MOB3B: variants seen among roughly 807,000 people sequenced by gnomAD.
MOB3B encodes MOB kinase activator-like 2B.
In MOB3B, 7 loss-of-function variants were observed where a neutral mutation model predicts 18.7. The observed-to-expected ratio is 0.37, with a 90% CI of 0.21 to 0.70. The LOEUF (loss-of-function observed/expected upper bound fraction) is 0.70. MOB3B is among the 30% of genes least tolerant of loss of function. The probability of loss-of-function intolerance (pLI) is 0.52; values close to 1 mark genes in which losing one functional copy is unlikely to be tolerated. For synonymous variants in MOB3B, 111 were observed against 99.9 expected (o/e 1.11, Z -0.66); for missense variants, 253 against 281.3 (o/e 0.90, Z 0.72).
At chr9:27,501,005 C>T (rs986297673) in intron 1 of MOB3B, among the ~76,000 whole-genome samples, 24 of 152,144 alleles carry the variant, frequency 1.6e-4, no homozygotes, top group Admixed American at 2.0e-4. Context: ...AAAAAAACCT[C>T]ATCATCACTG....
chr9:27,522,098 G>A (rs112086913), intron 1 of MOB3B, among the ~76,000 whole-genome samples: 2 of 151,328 alleles, frequency 1.3e-5, no homozygotes, highest in South Asian at 2.1e-4. Context: ...AAAAATTAAC[G>A]AGACATGGTG....
chr9:27,502,526 C>A (rs1228228041), intron 1 of MOB3B, among the ~76,000 whole-genome samples: 1 of 152,200 alleles, frequency 6.6e-6, no homozygotes, highest in Non-Finnish European at 1.5e-5. Flanking sequence ...CAAAAACACC[C>A]ATCAGCCAAC....
intron 1 of MOB3B, among the ~76,000 whole-genome samples, chr9:27,472,678 T>TAAAAAAA (rs56092176): frequency 1.0e-5 from 1 of 98,910 alleles, no homozygotes; most frequent in African/African-American, 4.0e-5. Flanking sequence ...CACTTTATTC[T>TAAAAAAA]AAAAAAAAAA....
chr9:27,362,385 A>T (rs1316831106), intron 2 of MOB3B, among the ~76,000 whole-genome samples: 1 of 152,192 alleles, frequency 6.6e-6, no homozygotes, highest in African/African-American at 2.4e-5. Flanking sequence ...TATAAAACTA[A>T]TACACAAATT....
intron 1 of MOB3B, among the ~76,000 whole-genome samples, chr9:27,482,781 T>A (rs1410775289): frequency 6.6e-6 from 1 of 152,220 alleles, no homozygotes; most frequent in African/African-American, 2.4e-5. Context: ...TGGCCGTTTT[T>A]AAGTTTGGTT....
intron 2 of MOB3B, among the ~76,000 whole-genome samples, chr9:27,360,564 A>G (rs1821260615): frequency 6.6e-6 from 1 of 152,218 alleles, no homozygotes; most frequent in Admixed American, 6.5e-5. Context: ...AAAGAAAGGT[A>G]GAAATGACCA....
chr9:27,336,072 G>A (rs957803509), intron 3 of MOB3B, among the ~76,000 whole-genome samples: 1 of 152,184 alleles, frequency 6.6e-6, no homozygotes, highest in Non-Finnish European at 1.5e-5. Context: ...CGATGGGGAA[G>A]GCACTTAGAC....
intron 1 of MOB3B, among the ~76,000 whole-genome samples, chr9:27,458,233 C>G (rs964402900): frequency 6.6e-6 from 1 of 152,142 alleles, no homozygotes; most frequent in African/African-American, 2.4e-5. Flanking sequence ...CTTGGTGCCA[C>G]TAATCCTTCT....
At chr9:27,484,277 C>G (rs1321320395) in intron 1 of MOB3B, among the ~76,000 whole-genome samples, 1 of 152,200 alleles carries the variant, frequency 6.6e-6, no homozygotes, top group Non-Finnish European at 1.5e-5. Flanking sequence ...AAACAGCCAT[C>G]ACAGAAGACA....
At chr9:27,466,296 C>T (rs1443908020) in intron 1 of MOB3B, among the ~76,000 whole-genome samples, 2 of 152,192 alleles carry the variant, frequency 1.3e-5, no homozygotes, top group Non-Finnish European at 2.9e-5. Context: ...CACCTTTGCT[C>T]CAGTTCCCAA....
intron 2 of MOB3B, chr9:27,378,533 C>A (rs976940792): frequency 2.1e-6 from 1 of 470,930 alleles, no homozygotes; most frequent in African/African-American, 2.0e-5. Flanking sequence ...AACCAGGGGG[C>A]AGCTTGGCCA....
At position 27,325,477 on chromosome 9, in the gene MOB3B, C is replaced by T. The variant is rs989496004; in HGVS notation, c.*5110G>A. On this transcript the variant is annotated 3_prime_UTR_variant, in exon 4 of 4. Transcript: ENST00000262244. Reference sequence around the variant, plus strand: ...GGCGAATTATTTGATTAGAAATGGACTCTTCCTTCATAAGTTACACAAATC... The same window carrying T: ...GGCGAATTATTTGATTAGAAATGGATTCTTCCTTCATAAGTTACACAAATC... 1 of 152,200 alleles carries T rather than the reference C, an allele frequency of 6.6e-6. No homozygotes were observed. The highest frequency in any genetic ancestry group is 6.5e-5 in the Admixed American group (1 of 15,284). The allele number at this position is 152,200 out of a possible 1,614,324, so 9.4% of individuals were successfully genotyped here. A position where few individuals can be genotyped will look rare whatever the true frequency, so the allele number is the denominator to read the frequency against.
intron 1 of MOB3B, among the ~76,000 whole-genome samples, chr9:27,508,983 G>C (rs1022018643): frequency 4.6e-5 from 7 of 152,150 alleles, no homozygotes; most frequent in African/African-American, 1.7e-4. Flanking sequence ...TATGGGCAGA[G>C]CAAGACTGAG....
intron 1 of MOB3B, chr9:27,526,130 T>C (rs1249320345): frequency 6.6e-6 from 1 of 152,242 alleles, no homozygotes; most frequent in African/African-American, 2.4e-5. Context: ...CTCATGCCAC[T>C]AACAGCATGC....
chr9:27,399,282 A>G (rs1157739436), intron 2 of MOB3B, among the ~76,000 whole-genome samples: 1 of 152,218 alleles, frequency 6.6e-6, no homozygotes, highest in Non-Finnish European at 1.5e-5. Context: ...GAGGAAGGCT[A>G]TGCCTCATCT....
chr9:27,412,456 A>G (rs4879474), intron 2 of MOB3B, among the ~76,000 whole-genome samples: 11,350 of 152,242 alleles, frequency 0.075, 510 homozygotes, highest in South Asian at 0.12. Flanking sequence ...CTCTTTATCT[A>G]TACTTCAGTG....
At chr9:27,480,379 A>G (rs1819631169) in intron 1 of MOB3B, among the ~76,000 whole-genome samples, 1 of 150,848 alleles carries the variant, frequency 6.6e-6, no homozygotes, top group Non-Finnish European at 1.5e-5. Context: ...GGCTCACTGC[A>G]AGCTCCGCCT....
chr9:27,447,692 C>T (rs1338372219), intron 2 of MOB3B, among the ~76,000 whole-genome samples: 3 of 152,172 alleles, frequency 2.0e-5, no homozygotes, highest in African/African-American at 7.2e-5. Context: ...AGAGGTATCT[C>T]TTGGGATTTG....
rs1401060217 is a variant in MOB3B at position 27,328,063 on chromosome 9, T to C, written c.*2524A>G. The C allele has an allele frequency of 7.0e-6, 1 of 142,416 alleles. No homozygotes were observed. The highest frequency in any genetic ancestry group is 1.5e-5 in the Non-Finnish European group (1 of 65,166). The allele number at this position is 142,416 out of a possible 1,614,324, so 8.8% of individuals were successfully genotyped here. A position where few individuals can be genotyped will look rare whatever the true frequency, so the allele number is the denominator to read the frequency against. ...TAAAATAGGGAGAGACCCCTTCTCT[T>C]AAAAAAAAAAAAGGAAGAAAAGAAA... On this transcript the variant is annotated 3_prime_UTR_variant, in exon 4 of 4. Coordinates refer to ENST00000262244, the MANE Select transcript of MOB3B (RefSeq NM_024761.5).
Sources: gnomAD v4.1 joint callset for allele counts (sites outside exome capture counted in the v4.1 genomes callset) on GRCh38, gnomAD v4.1.1 for gene constraint, MANE v1.5 for transcripts, NCBI Gene and HGNC (gene_info 2026-07-23, HGNC 2026-07-21) for gene names.